The following ROBO2 variants were observed in gnomAD, a reference collection of about 807,000 sequenced individuals.
ROBO2 encodes the protein roundabout guidance receptor 2.
Under a neutral mutation model 160.8 loss-of-function variants are expected in ROBO2, and 53 were observed. The ratio of observed to expected loss-of-function variants is 0.33; its 90% CI spans 0.26 to 0.41. The LOEUF is 0.41. Among genes scored for constraint, ROBO2 ranks in the 10% least tolerant of loss-of-function variants. The pLI is 1.00. For synonymous variants in ROBO2, 664 were observed against 611.7 expected (o/e 1.09, Z -1.26); for missense variants, 1,577 against 1,722.4 (o/e 0.92, Z 1.49).
At chr3:75,999,180 A>G (rs1177772915) in intron 2 of ROBO2, among the ~76,000 whole-genome samples, 5 of 152,174 alleles carry the variant, frequency 3.3e-5, no homozygotes, top group African/African-American at 1.2e-4. Flanking sequence ...ATATAAGACA[A>G]AAGAGTTAAA....
At chr3:75,971,852 C>G (rs1244736830) in intron 2 of ROBO2, among the ~76,000 whole-genome samples, 4 of 151,478 alleles carry the variant, frequency 2.6e-5, no homozygotes, top group Non-Finnish European at 5.9e-5. Flanking sequence ...GTCCTTCAGC[C>G]TCTTCCATTA....
chr3:77,191,620 A>C (rs2150945745), intron 2 of ROBO2, among the ~76,000 whole-genome samples: 1 of 152,320 alleles, frequency 6.6e-6, no homozygotes, highest in Non-Finnish European at 1.5e-5. Context: ...AACTGGGCAA[A>C]GGCTACAAGT....
chr3:76,988,500 A>G (rs574428810), intron 2 of ROBO2, among the ~76,000 whole-genome samples: 59 of 152,276 alleles, frequency 3.9e-4, no homozygotes, highest in Middle Eastern at 3.4e-3. Context: ...TATTTTCTCT[A>G]TATGTAGAAA....
At chr3:76,120,879 C>A (rs2070724271) in intron 2 of ROBO2, among the ~76,000 whole-genome samples, 1 of 152,056 alleles carries the variant, frequency 6.6e-6, no homozygotes, top group Non-Finnish European at 1.5e-5. Context: ...AAATACAGAA[C>A]AATACTTGCC....
intron 2 of ROBO2, among the ~76,000 whole-genome samples, chr3:76,573,320 G>A (rs566263547): frequency 6.6e-6 from 1 of 152,072 alleles, no homozygotes; most frequent in South Asian, 2.1e-4. Context: ...AATTTTAAAA[G>A]TATCTCAAAG....
intron 2 of ROBO2, among the ~76,000 whole-genome samples, chr3:76,885,233 T>C (rs142673531): frequency 1.6e-4 from 24 of 152,258 alleles, no homozygotes; most frequent in African/African-American, 5.3e-4. Context: ...CTCAATTTTT[T>C]CCTTACACAC....
chr3:76,779,744 A>G (rs964449120), intron 2 of ROBO2, among the ~76,000 whole-genome samples: 2 of 150,936 alleles, frequency 1.3e-5, no homozygotes, highest in Non-Finnish European at 3.0e-5. Flanking sequence ...TTTTTTAAGG[A>G]TGAGTAGTGT....
chr3:77,035,005 A>G (rs1249654892), upstream of ROBO2, among the ~76,000 whole-genome samples: 2 of 151,928 alleles, frequency 1.3e-5, no homozygotes, highest in African/African-American at 2.4e-5. Context: ...AATAATGGGC[A>G]GGAAAAAAAT....
intron 2 of ROBO2, among the ~76,000 whole-genome samples, chr3:76,451,166 T>A (rs368154250): frequency 6.6e-6 from 1 of 152,108 alleles, no homozygotes; most frequent in Non-Finnish European, 1.5e-5. Context: ...ACTGATCAGG[T>A]CTGTCATGTG....
chr3:76,658,070 A>AATG (rs2091652014), intron 2 of ROBO2, among the ~76,000 whole-genome samples: 1 of 6,310 alleles, frequency 1.6e-4, no homozygotes, highest in African/African-American at 1.8e-4. Context: ...CTGTCTGAAT[A>AATG]AATAAATAAA....
At chr3:77,185,634 A>G (rs1171882830) in intron 2 of ROBO2, among the ~76,000 whole-genome samples, 1 of 151,970 alleles carries the variant, frequency 6.6e-6, no homozygotes, top group Non-Finnish European at 1.5e-5. Context: ...TAGAACCACC[A>G]TTTGATCCGG....
intron 2 of ROBO2, among the ~76,000 whole-genome samples, chr3:77,360,286 T>C (rs1212613371): frequency 6.8e-6 from 1 of 148,110 alleles, no homozygotes; most frequent in Non-Finnish European, 1.5e-5. Flanking sequence ...CAGGAGGGAT[T>C]TATTCTACCC....
At chr3:77,269,936 G>A (rs2059383728) in intron 2 of ROBO2, among the ~76,000 whole-genome samples, 1 of 151,978 alleles carries the variant, frequency 6.6e-6, no homozygotes, top group African/African-American at 2.4e-5. Context: ...GATTTTAAAA[G>A]CCCTCTAATT....
At chr3:77,280,731 G>T (rs1366006925) in intron 2 of ROBO2, among the ~76,000 whole-genome samples, 1 of 152,060 alleles carries the variant, frequency 6.6e-6, no homozygotes, top group Non-Finnish European at 1.5e-5. Context: ...GTGACTCTTT[G>T]ACAATATCTG....
rs559987217 is a variant in ROBO2 at position 76,787,563 on chromosome 3, A to C, written c.110-310451A>C. ...TAAAGGGAATGTGACTTTCTGCAAT[A>C]TAATTGTAAAATTATCTTTTGTTAT... On this transcript the variant is annotated intron_variant, in intron 2 of 26. Transcript: ENST00000487694. Among the ~76,000 whole-genome samples, 16 of 151,584 alleles carry C rather than the reference A, an allele frequency of 1.1e-4. No homozygotes were observed. In the South Asian group the frequency reaches 3.3e-3, roughly 31 times the overall value.
intron 2 of ROBO2, among the ~76,000 whole-genome samples, chr3:76,043,618 T>G (rs1576610045): frequency 1.2e-4 from 2 of 16,276 alleles, no homozygotes; most frequent in Non-Finnish European, 2.2e-4. Flanking sequence ...TTCTTCATCG[T>G]CCAAAAAAAA....
chr3:76,200,574 G>A (rs1398882861), intron 2 of ROBO2, among the ~76,000 whole-genome samples: 1 of 151,936 alleles, frequency 6.6e-6, no homozygotes, highest in African/African-American at 2.4e-5. Flanking sequence ...CAGTATAGGG[G>A]GCAACTTAAG....
chr3:77,640,865 T>C (rs927408160), intron 24 of ROBO2, among the ~76,000 whole-genome samples: 6 of 152,220 alleles, frequency 3.9e-5, no homozygotes, highest in African/African-American at 1.4e-4. Flanking sequence ...CCAAGGATAT[T>C]ACTTATGAAG....
intron 2 of ROBO2, among the ~76,000 whole-genome samples, chr3:77,276,247 C>A (rs1278188967): frequency 6.6e-6 from 1 of 151,804 alleles, no homozygotes; most frequent in East Asian, 1.9e-4. Context: ...AAAAATGTCT[C>A]TGATACCTTA....
Sources: gnomAD v4.1 joint callset for allele counts (sites outside exome capture counted in the v4.1 genomes callset) on GRCh38, gnomAD v4.1.1 for gene constraint, MANE v1.5 for transcripts, NCBI Gene and HGNC (gene_info 2026-07-23, HGNC 2026-07-21) for gene names.